The following RNF157 variants were observed in gnomAD, a reference collection of about 807,000 sequenced individuals.
The protein encoded by RNF157 is ring finger protein 157.
A neutral mutation model predicts 88.3 loss-of-function variants in RNF157; 55 were observed. That is an observed-to-expected ratio of 0.62 (90% CI 0.50 to 0.78). The LOEUF is 0.78. Ranked by LOEUF, RNF157 falls within the 30% of genes least tolerant of loss-of-function variation. The pLI is 0.00. For missense variants in RNF157, 788 were observed against 860.8 expected (o/e 0.92, Z 1.06); for synonymous variants, 334 against 341.2 (o/e 0.98, Z 0.23).
intron 2 of RNF157, among the ~76,000 whole-genome samples, chr17:76,206,809 C>T (rs1017194349): frequency 6.6e-6 from 1 of 152,160 alleles, no homozygotes; most frequent in Non-Finnish European, 1.5e-5. Flanking sequence ...AAGAACCCTA[C>T]CTAGAATGAC....
chr17:76,150,795 A>T (rs770720723), intron 18 of RNF157, among the ~76,000 whole-genome samples: 1 of 152,258 alleles, frequency 6.6e-6, no homozygotes, highest in East Asian at 1.9e-4. Flanking sequence ...CTTGCCAATT[A>T]GGAATGGGAG....
intron 1 of RNF157, among the ~76,000 whole-genome samples, chr17:76,212,852 C>T (rs746284459): frequency 7.2e-5 from 11 of 152,148 alleles, no homozygotes; most frequent in Non-Finnish European, 1.3e-4. Flanking sequence ...CAGAGTGAGA[C>T]TCTGTTTCAA....
At chr17:76,168,630 AATCT>A (rs917642519) in intron 3 of RNF157, among the ~76,000 whole-genome samples, 1 of 151,832 alleles carries the variant, frequency 6.6e-6, no homozygotes, top group Non-Finnish European at 1.5e-5. Context: ...GCCACCCTGG[AATCT>A]CTCTCCCCCT....
intron 2 of RNF157, 192 bp downstream of exon 2, chr17:76,212,172 G>A: frequency 7.6e-6 from 4 of 526,304 alleles, no homozygotes; most frequent in Non-Finnish European, 1.4e-5. Flanking sequence ...CAAGACTCCA[G>A]GAGCTCTTCC....
intron 8 of RNF157, chr17:76,164,488 C>A: frequency 3.2e-6 from 1 of 309,500 alleles, no homozygotes. Flanking sequence ...AAGGCTCCCT[C>A]AACACCAACA....
At chr17:76,167,846 A>C (rs1399536154) in intron 3 of RNF157, 49 bp from the exon 4 acceptor site, 1 of 1,560,240 alleles carries the variant, frequency 6.4e-7, no homozygotes, top group Non-Finnish European at 8.7e-7. Context: ...TCAATATTTT[A>C]AAATTTACCT....
At chr17:76,235,246 G>A (rs1198190522) in intron 1 of RNF157, among the ~76,000 whole-genome samples, 1 of 148,994 alleles carries the variant, frequency 6.7e-6, no homozygotes, top group African/African-American at 2.5e-5. Flanking sequence ...CGCCCAGGCT[G>A]GAGTGCAGTG....
Position 76,145,345 on chromosome 17 carries a change from G to A in RNF157, c.1930C>T (p.Gln644Ter). 6.2e-7 allele frequency: 1 copy of A among 1,611,722 alleles called. No homozygotes were observed. The highest frequency in any genetic ancestry group is 1.1e-5 in the South Asian group (1 of 90,730). Residue 644 changes from glutamine to a stop codon, truncating the protein, a stop_gained, in exon 19 of 19, where the codon CAG becomes TAG. Coordinates refer to ENST00000269391, the MANE Select transcript of RNF157 (RefSeq NM_052916.3). LOFTEE classifies it high-confidence loss of function. ...CGACTGACGGCATTGTCATCAGCCT[G>A]CCAGGCACCTGGGGAAGAGAAAATG... ...CSEVCLPGAWQADDNAVSRNA... is the reference protein window; with the variant it reads ...CSEVCLPGAW
At chr17:76,167,524 C>T in intron 4 of RNF157, 127 bp downstream of exon 4, 1 of 1,346,658 alleles carries the variant, frequency 7.4e-7, no homozygotes, top group South Asian at 1.4e-5. Flanking sequence ...GACATGGACT[C>T]TCCCTATCTG....
intron 1 of RNF157, among the ~76,000 whole-genome samples, chr17:76,236,023 T>C (rs1258533545): frequency 6.6e-6 from 1 of 152,096 alleles, no homozygotes; most frequent in African/African-American, 2.4e-5. Context: ...AATAAATTAT[T>C]TAATTTTTTA....
chr17:76,171,960 G>A (rs2069021001), intron 3 of RNF157, among the ~76,000 whole-genome samples: 1 of 152,234 alleles, frequency 6.6e-6, no homozygotes, highest in Non-Finnish European at 1.5e-5. Flanking sequence ...TGTGATGAGA[G>A]AAACCAAGTG....
intron 1 of RNF157, among the ~76,000 whole-genome samples, chr17:76,232,909 C>A (rs2070217877): frequency 6.6e-6 from 1 of 150,448 alleles, no homozygotes; most frequent in African/African-American, 2.4e-5. Flanking sequence ...AGTGAAGTAT[C>A]TATTGAAATC....
intron 1 of RNF157, among the ~76,000 whole-genome samples, chr17:76,233,373 G>GT (rs2070228949): frequency 1.3e-5 from 2 of 152,100 alleles, no homozygotes; most frequent in African/African-American, 4.8e-5. Flanking sequence ...AGGTGGTAAT[G>GT]TTTTTAATTT....
intron 1 of RNF157, chr17:76,226,753 G>C: frequency 1.3e-6 from 2 of 1,593,802 alleles, no homozygotes; most frequent in Non-Finnish European, 1.7e-6. Context: ...GGTCGAAGGG[G>C]GACATCAAGT....
At chr17:76,175,752 A>G in intron 2 of RNF157, 1 of 985,090 alleles carries the variant, frequency 1.0e-6, no homozygotes, top group South Asian at 4.7e-5. Flanking sequence ...TCCTACCTGC[A>G]TTTCAAAAAA....
At chr17:76,196,290 A>G (rs565364279) in intron 2 of RNF157, among the ~76,000 whole-genome samples, 133 of 152,244 alleles carry the variant, frequency 8.7e-4, no homozygotes, top group Non-Finnish European at 1.5e-3. Context: ...GAGCAAATTG[A>G]ACACAGTTCC....
intron 3 of RNF157, among the ~76,000 whole-genome samples, chr17:76,170,884 T>A (rs1039058596): frequency 2.0e-5 from 3 of 152,156 alleles, no homozygotes; most frequent in African/African-American, 4.8e-5. Context: ...AAGAAATTTT[T>A]AAAATTTTTT....
chr17:76,175,632 C>T (rs533791266), intron 2 of RNF157: 16 of 318,956 alleles, frequency 5.0e-5, no homozygotes, highest in East Asian at 3.4e-4. Context: ...CCGACACAAA[C>T]GCTAGTCTAT....
At chr17:76,182,451 C>CTGTGTGTG (rs5822121) in intron 2 of RNF157, among the ~76,000 whole-genome samples, 10,739 of 144,014 alleles carry the variant, frequency 0.075, 484 homozygotes, top group African/African-American at 0.13. Flanking sequence ...CGCATTTAGT[C>CTGTGTGTG]TGTGTGTGTG....
Sources: allele counts gnomAD v4.1 joint callset (sites outside exome capture counted in the v4.1 genomes callset), GRCh38; gene constraint gnomAD v4.1.1; transcripts MANE v1.5; gene names NCBI Gene and HGNC (gene_info 2026-07-23, HGNC 2026-07-21).